The following ZSCAN25 variants were observed in gnomAD, a reference collection of about 807,000 sequenced individuals.
The protein encoded by ZSCAN25 is zinc finger and SCAN domain-containing protein 25.
In ZSCAN25, 27 loss-of-function variants were observed where a neutral mutation model predicts 38.7. The observed-to-expected ratio is 0.70, with a 90% CI of 0.51 to 0.96. ZSCAN25 has a LOEUF of 0.96. Ranked by LOEUF, ZSCAN25 falls within the 40% of genes least tolerant of loss-of-function variation. The pLI is 0.00. For synonymous variants in ZSCAN25, 273 were observed against 277.7 expected (o/e 0.98, Z 0.17); for missense variants, 637 against 705.9 (o/e 0.90, Z 1.11).
the ZSCAN25 span, among the ~76,000 whole-genome samples, chr7:99,736,742 C>T: frequency 1.3e-5 from 2 of 152,162 alleles, no homozygotes; most frequent in African/African-American, 4.8e-5. Context: ...ACACCTTTTC[C>T]CATCCCTCTG....
At chr7:99,680,170 G>T in the ZSCAN25 span, 1 of 406,552 alleles carries the variant, frequency 2.5e-6, no homozygotes, top group Middle Eastern at 7.1e-4. Flanking sequence ...AGGGTTCTGG[G>T]TTCTTATCAG....
the ZSCAN25 span, among the ~76,000 whole-genome samples, chr7:99,642,849 T>C: frequency 1.4e-4 from 21 of 152,232 alleles, no homozygotes; most frequent in Admixed American, 4.6e-4. Context: ...TGGTACATAC[T>C]AGTCACTCAA....
the ZSCAN25 span, among the ~76,000 whole-genome samples, chr7:99,691,173 C>G: frequency 6.6e-6 from 1 of 152,046 alleles, no homozygotes; most frequent in Non-Finnish European, 1.5e-5. Flanking sequence ...AACCATCATT[C>G]TCAGCAAACT....
At chr7:99,683,852 A>G in the ZSCAN25 span, among the ~76,000 whole-genome samples, 7 of 152,126 alleles carry the variant, frequency 4.6e-5, no homozygotes, top group East Asian at 1.9e-4. Flanking sequence ...TGTGGCCACC[A>G]TCTGGCTGCC....
the ZSCAN25 span, among the ~76,000 whole-genome samples, chr7:99,698,186 A>T: frequency 4.6e-5 from 7 of 152,218 alleles, no homozygotes; most frequent in African/African-American, 1.7e-4. Context: ...TCTACACTAC[A>T]GTTTCTGACT....
At chr7:99,709,382 G>T in the ZSCAN25 span, 8 of 1,426,578 alleles carry the variant, frequency 5.6e-6, no homozygotes, top group Non-Finnish European at 6.7e-6. Flanking sequence ...GCAAAGGATT[G>T]TAGCATTCAT....
chr7:99,712,332 T>C, the ZSCAN25 span, among the ~76,000 whole-genome samples: 1 of 152,232 alleles, frequency 6.6e-6, no homozygotes, highest in Admixed American at 6.5e-5. Context: ...TCTGTTACCA[T>C]GAACCTGATG....
chr7:99,620,159 G>A lies in ZSCAN25; in HGVS notation c.387+166G>A. The A allele has an allele frequency of 8.9e-6, 9 of 1,009,908 alleles. No individual in the cohort carries two copies. The South Asian group carries it at 1.4e-4, about 16-fold the overall frequency. The allele number at this position is 1,009,908 out of a possible 1,614,324, so 62.6% of individuals were successfully genotyped here. On this transcript the variant is annotated intron_variant, in intron 4 of 7. Transcript: ENST00000394152. ...TGGAGAGCAGTGGCGTTTTCAGCAA[G>A]AAAGGCCATTCCCAGGGGAGATGCT...
At chr7:99,639,316 C>T in the ZSCAN25 span, among the ~76,000 whole-genome samples, 1 of 152,202 alleles carries the variant, frequency 6.6e-6, no homozygotes, top group Non-Finnish European at 1.5e-5. Flanking sequence ...AAAGTCTCCA[C>T]CTAGTTCCTA....
Position 99,629,294 on chromosome 7 carries a change from C to T in ZSCAN25, c.909C>T (p.Gly303=), listed in dbSNP as rs139528702. ...GGTTTGGGGAAGCCTCTCTCCAGGGCCCTGGGCTCGGAAGGGTCTGTGAGC... is the reference window on the plus strand; with the variant it reads ...GGTTTGGGGAAGCCTCTCTCCAGGGTCCTGGGCTCGGAAGGGTCTGTGAGC... ...SERFGEASLQ[G]PGLGRVCEQE... is the part of the protein sequence containing the mutation. Residue 303 remains glycine (G), a synonymous_variant, in exon 8 of 8, where the codon GGC becomes GGT. Coordinates refer to ENST00000394152, the MANE Select transcript of ZSCAN25 (RefSeq NM_145115.3). This position sits in a 1 kb window ranked among gnomAD's most constrained non-coding sequence, Gnocchi z 5.6. 9.3e-6 allele frequency: 15 copies of T among 1,614,038 alleles called. No individual in the cohort carries two copies. In the African/African-American group the frequency reaches 9.3e-5, roughly 10 times the overall value.
At chr7:99,643,798 T>C in the ZSCAN25 span, among the ~76,000 whole-genome samples, 1 of 151,462 alleles carries the variant, frequency 6.6e-6, no homozygotes, top group Non-Finnish European at 1.5e-5. Flanking sequence ...ACATCTGAGT[T>C]GAAGACCTGT....
chr7:99,676,402 G>A, the ZSCAN25 span: 13 of 1,508,882 alleles, frequency 8.6e-6, no homozygotes, highest in South Asian at 2.2e-5. Context: ...CCCCTGAAAA[G>A]TCTCAATGAT....
At chr7:99,736,014 G>A in the ZSCAN25 span, among the ~76,000 whole-genome samples, 1 of 152,308 alleles carries the variant, frequency 6.6e-6, no homozygotes, top group African/African-American at 2.4e-5. Flanking sequence ...TTTGTCCTCT[G>A]TGATTCTGTT....
chr7:99,724,588 AG>A, the ZSCAN25 span, among the ~76,000 whole-genome samples: 1 of 151,950 alleles, frequency 6.6e-6, no homozygotes, highest in Admixed American at 6.6e-5. Flanking sequence ...CACCAGGCCA[AG>A]CCAGGTCCCA....
chr7:99,693,401 C>T, the ZSCAN25 span, among the ~76,000 whole-genome samples: 7 of 152,290 alleles, frequency 4.6e-5, no homozygotes, highest in African/African-American at 1.4e-4. Context: ...GCTCGAATAC[C>T]GTGCTGAGAG....
At chr7:99,706,866 C>T in the ZSCAN25 span, among the ~76,000 whole-genome samples, 3 of 152,186 alleles carry the variant, frequency 2.0e-5, no homozygotes, top group Non-Finnish European at 4.4e-5. Flanking sequence ...ACTTGCAAGG[C>T]ACCACTGGGA....
chr7:99,649,207 C>T, the ZSCAN25 span, among the ~76,000 whole-genome samples: 2 of 152,164 alleles, frequency 1.3e-5, no homozygotes, highest in African/African-American at 4.8e-5. Flanking sequence ...CAGGGCTGAG[C>T]CCCCTGCCTG....
chr7:99,660,659 G>A, the ZSCAN25 span: 5 of 1,613,498 alleles, frequency 3.1e-6, no homozygotes, highest in African/African-American at 5.3e-5. Flanking sequence ...ATCAGACAGA[G>A]CTGAAAGGAG....
the ZSCAN25 span, chr7:99,708,937 A>G: frequency 7.4e-7 from 1 of 1,356,380 alleles, no homozygotes; most frequent in South Asian, 1.2e-5. Context: ...TAAAAAGACA[A>G]GCAAACGATT....
Sources: gnomAD v4.1 joint callset for allele counts (sites outside exome capture counted in the v4.1 genomes callset) on GRCh38, gnomAD v4.1.1 for gene constraint, Gnocchi (gnomAD v3.1) non-coding constraint, MANE v1.5 for transcripts, NCBI Gene and HGNC (gene_info 2026-07-23, HGNC 2026-07-21) for gene names.